The following NELL1 variants were observed in gnomAD, a reference collection of about 807,000 sequenced individuals.
The protein encoded by NELL1 is neural EGFL like 1.
A neutral mutation model predicts 107.4 loss-of-function variants in NELL1; 76 were observed. The ratio of observed to expected loss-of-function variants is 0.71; its 90% CI spans 0.59 to 0.86. NELL1 has a LOEUF of 0.86. NELL1 is among the 40% of genes least tolerant of loss of function. The pLI is 0.00. For missense variants in NELL1, 1,024 were observed against 1,005.5 expected (o/e 1.02, Z -0.25); for synonymous variants, 353 against 341.2 (o/e 1.03, Z -0.38).
At chr11:21,192,898 G>A (rs940426818) in intron 13 of NELL1, among the ~76,000 whole-genome samples, 1 of 151,862 alleles carries the variant, frequency 6.6e-6, no homozygotes, top group African/African-American at 2.4e-5. Context: ...ATTTTCCAGT[G>A]TCGAGAGAAA....
chr11:20,986,150 C>T (rs1184761108), intron 12 of NELL1, among the ~76,000 whole-genome samples: 1 of 152,152 alleles, frequency 6.6e-6, no homozygotes, highest in African/African-American at 2.4e-5. Flanking sequence ...CCCTCCGCTC[C>T]CTTTTGTGAT....
chr11:21,360,207 C>CA (rs1384938132), intron 14 of NELL1, among the ~76,000 whole-genome samples: 35 of 151,670 alleles, frequency 2.3e-4, no homozygotes, highest in Non-Finnish European at 7.4e-5. Flanking sequence ...TCATTCAACT[C>CA]AAAAAAAATT....
chr11:21,544,947 G>C (rs542013927), intron 16 of NELL1, among the ~76,000 whole-genome samples: 21 of 151,770 alleles, frequency 1.4e-4, no homozygotes, highest in African/African-American at 4.6e-4. Flanking sequence ...ATAACTATCA[G>C]AATGTTTCTA....
At chr11:20,710,942 G>T (rs11512088) in intron 2 of NELL1, among the ~76,000 whole-genome samples, 2 of 151,262 alleles carry the variant, frequency 1.3e-5, no homozygotes, top group African/African-American at 4.9e-5. Flanking sequence ...CTTACTAATG[G>T]TTTCTTTATT....
chr11:21,353,535 A>T (rs10500903), intron 14 of NELL1, among the ~76,000 whole-genome samples: 44,151 of 152,076 alleles, frequency 0.29, 6,706 homozygotes, highest in Non-Finnish European at 0.36. Flanking sequence ...CAAAAATAAC[A>T]TTAGCACAAG....
rs139085343 is a variant in NELL1, at chr11:20,700,995, A to G, written c.184+22935A>G. ...CGTGTGCATGTGTCTTTATAGCAGCATGATTTATAGTCCTTTGGGTATGTA... is the reference window on the plus strand; with the variant it reads ...CGTGTGCATGTGTCTTTATAGCAGCGTGATTTATAGTCCTTTGGGTATGTA... On this transcript the variant is annotated intron_variant, in intron 2 of 19. Transcript: ENST00000357134. Among the ~76,000 whole-genome samples the G allele has an allele frequency of 8.7e-3, 1,323 of 152,294 alleles. 17 individuals carry two copies. The highest frequency in any genetic ancestry group is 0.03 in the African/African-American group (1,258 of 41,554).
chr11:20,963,794 C>A (rs938907941), intron 12 of NELL1, among the ~76,000 whole-genome samples: 2 of 152,148 alleles, frequency 1.3e-5, no homozygotes, highest in African/African-American at 4.8e-5. Flanking sequence ...ACGATAAAAA[C>A]CACAGTGAAC....
intron 14 of NELL1, among the ~76,000 whole-genome samples, chr11:21,253,886 T>C (rs549223052): frequency 6.6e-6 from 1 of 152,248 alleles, no homozygotes; most frequent in African/African-American, 2.4e-5. Flanking sequence ...AGTGTGGATA[T>C]ACTCCAATGG....
chr11:21,029,175 G>A (rs1469430349), intron 12 of NELL1, among the ~76,000 whole-genome samples: 1 of 152,112 alleles, frequency 6.6e-6, no homozygotes, highest in Non-Finnish European at 1.5e-5. Flanking sequence ...ATTAAAGGGG[G>A]AAGAGAAAGG....
At chr11:21,128,454 G>T (rs945470815) in intron 13 of NELL1, among the ~76,000 whole-genome samples, 2 of 152,116 alleles carry the variant, frequency 1.3e-5, no homozygotes, top group African/African-American at 2.4e-5. Flanking sequence ...GGATGTTAGA[G>T]ACATATAAGG....
At chr11:20,831,148 A>G (rs1590333672) in intron 3 of NELL1, among the ~76,000 whole-genome samples, 1 of 152,200 alleles carries the variant, frequency 6.6e-6, no homozygotes, top group Non-Finnish European at 1.5e-5. Flanking sequence ...ATCAGAGAAG[A>G]ATACCTTCTA....
At chr11:21,035,463 C>T (rs553883122) in intron 12 of NELL1, among the ~76,000 whole-genome samples, 1 of 138,278 alleles carries the variant, frequency 7.2e-6, no homozygotes, top group Non-Finnish European at 1.5e-5. Context: ...AACATTGACG[C>T]AAAAATCCTA....
chr11:20,688,266 G>A (rs774339476), intron 2 of NELL1, among the ~76,000 whole-genome samples: 25 of 152,018 alleles, frequency 1.6e-4, no homozygotes, highest in Non-Finnish European at 2.9e-4. Flanking sequence ...GAGGGTACAT[G>A]TGCAGATTTG....
chr11:21,431,515 A>G (rs1466596666), intron 15 of NELL1, among the ~76,000 whole-genome samples: 1 of 152,242 alleles, frequency 6.6e-6, no homozygotes, highest in Non-Finnish European at 1.5e-5. Flanking sequence ...GAAGACACTC[A>G]AAAGTCAGCT....
chr11:21,330,626 C>A (rs182669768), intron 14 of NELL1, among the ~76,000 whole-genome samples: 118 of 151,974 alleles, frequency 7.8e-4, no homozygotes, highest in African/African-American at 1.4e-3. Flanking sequence ...TATAATAAGT[C>A]ATTTTTCCTT....
At chr11:21,148,705 T>C (rs543155662) in intron 13 of NELL1, among the ~76,000 whole-genome samples, 1 of 152,296 alleles carries the variant, frequency 6.6e-6, no homozygotes, top group East Asian at 1.9e-4. Context: ...AGCCAGTAAA[T>C]TGGATTGGGG....
intron 15 of NELL1, among the ~76,000 whole-genome samples, chr11:21,531,241 T>C (rs1855983431): frequency 6.6e-6 from 1 of 152,154 alleles, no homozygotes; most frequent in South Asian, 2.1e-4. Flanking sequence ...TGGAGTCATG[T>C]TTCATCCATT....
chr11:20,925,212 A>G (rs1850467591), intron 7 of NELL1, among the ~76,000 whole-genome samples: 1 of 152,132 alleles, frequency 6.6e-6, no homozygotes, highest in Non-Finnish European at 1.5e-5. Context: ...CCGTTTCCTA[A>G]AGCATTGCCA....
intron 16 of NELL1, among the ~76,000 whole-genome samples, chr11:21,541,064 A>G (rs941722848): frequency 3.9e-5 from 6 of 152,080 alleles, no homozygotes; most frequent in Non-Finnish European, 8.8e-5. Flanking sequence ...CTACAGTACA[A>G]TTTAGGTGTT....
Sources: allele counts gnomAD v4.1 joint callset (sites outside exome capture counted in the v4.1 genomes callset), GRCh38; gene constraint gnomAD v4.1.1; transcripts MANE v1.5; gene names NCBI Gene and HGNC (gene_info 2026-07-23, HGNC 2026-07-21).